The following MRPL22 variants were observed in gnomAD, a reference collection of about 807,000 sequenced individuals.
MRPL22 encodes large ribosomal subunit protein uL22m.
Under a neutral mutation model 32.4 loss-of-function variants are expected in MRPL22, and 27 were observed. The observed-to-expected ratio is 0.83, with a 90% confidence interval of 0.61 to 1.15. The LOEUF (loss-of-function observed/expected upper bound fraction) is 1.15. MRPL22 is among the 50% of genes most tolerant of loss of function. The pLI is 0.00. For missense variants in MRPL22, 239 were observed against 260.2 expected (o/e 0.92, Z 0.56); for synonymous variants, 86 against 87.3 (o/e 0.99, Z 0.08).
At chr5:154,956,982 G>A (rs1191492633) in intron 4 of MRPL22, 153 bp from the exon 5 acceptor site, 6 of 622,138 alleles carry the variant, frequency 9.6e-6, no homozygotes, top group Non-Finnish European at 1.7e-5. Flanking sequence ...AAAGAGAATA[G>A]TGTCTCCTCT....
rs1017407910 is a variant in MRPL22 at position 154,968,891 on chromosome 5, C to T, written c.*1994C>T. On this transcript the variant is annotated 3_prime_UTR_variant, in exon 7 of 7. Transcript: ENST00000523037. Reference sequence around the variant, plus strand: ...CCTTCATTTGGAACTGCTTCCAGTACGTTACAAAAAGTAATAATAGCTAAC... The same window carrying T: ...CCTTCATTTGGAACTGCTTCCAGTATGTTACAAAAAGTAATAATAGCTAAC... The T allele has an allele frequency of 3.3e-5, 5 of 152,178 alleles. No homozygotes were observed. Among genetic ancestry groups the T allele is most frequent in the South Asian group, 2.1e-4 (1 of 4,834 alleles). 9.4% of individuals were successfully genotyped at this position (152,178 alleles called of 1,614,324 possible).
chr5:154,955,995 T>G (rs1764623912), intron 3 of MRPL22: 2 of 192,484 alleles, frequency 1.0e-5, no homozygotes, highest in South Asian at 2.0e-4. Flanking sequence ...ATTTTGCCAT[T>G]TTTCTCCTCA....
chr5:154,955,808 G>T (rs2112219), intron 3 of MRPL22: 5,933 of 152,454 alleles, frequency 0.039, 179 homozygotes, highest in African/African-American at 0.085. Flanking sequence ...TCTAATTATC[G>T]TTTTATTTAT....
chr5:154,946,349 C>T (rs1039521223), intron 2 of MRPL22, among the ~76,000 whole-genome samples: 2 of 152,188 alleles, frequency 1.3e-5, no homozygotes, highest in South Asian at 4.2e-4. Flanking sequence ...ATAGTGTACC[C>T]TACTCGCTAA....
chr5:154,957,914 C>CTTTTTTTT (rs912216773), intron 5 of MRPL22, among the ~76,000 whole-genome samples: 8 of 120,864 alleles, frequency 6.6e-5, no homozygotes, highest in Admixed American at 8.9e-5. Context: ...ATATATTTTT[C>CTTTTTTTT]TTTTTTTTTT....
chr5:154,966,614 C>G, intron 6 of MRPL22, 72 bp from the exon 7 acceptor site: 1 of 1,506,698 alleles, frequency 6.6e-7, no homozygotes, highest in South Asian at 1.2e-5. Flanking sequence ...AAGGAAAGGA[C>G]AGAAATTGCT....
intron 2 of MRPL22, among the ~76,000 whole-genome samples, chr5:154,950,470 A>G (rs988359216): frequency 1.3e-5 from 2 of 152,204 alleles, no homozygotes; most frequent in Admixed American, 6.5e-5. Flanking sequence ...AAGTTGGGCA[A>G]TCTTACAGGT....
At chr5:154,942,957 T>C (rs1018516744) in intron 2 of MRPL22, among the ~76,000 whole-genome samples, 3 of 152,234 alleles carry the variant, frequency 2.0e-5, no homozygotes, top group Admixed American at 2.0e-4. Context: ...GTGTTTGATT[T>C]TGCTAGATAA....
intron 2 of MRPL22, among the ~76,000 whole-genome samples, chr5:154,946,061 T>G (rs185721899): frequency 1.3e-5 from 2 of 152,338 alleles, no homozygotes; most frequent in Admixed American, 6.5e-5. Flanking sequence ...ACATTATTAA[T>G]TCATAGTATG....
At chr5:154,943,178 G>A (rs1452381922) in intron 2 of MRPL22, among the ~76,000 whole-genome samples, 1 of 151,418 alleles carries the variant, frequency 6.6e-6, no homozygotes, top group African/African-American at 2.4e-5. Flanking sequence ...CTCGCTCTGT[G>A]CCTAGGCTGA....
intron 3 of MRPL22, among the ~76,000 whole-genome samples, chr5:154,952,124 G>T (rs1185842268): frequency 6.6e-6 from 1 of 151,954 alleles, no homozygotes; most frequent in Admixed American, 6.6e-5. Flanking sequence ...CTCATGATCC[G>T]CCTGCCTCGG....
intron 2 of MRPL22, among the ~76,000 whole-genome samples, chr5:154,944,862 C>T: frequency 6.6e-6 from 1 of 152,096 alleles, no homozygotes; most frequent in Non-Finnish European, 1.5e-5. Context: ...GCATTCTGTG[C>T]AGATAGAATA....
In MRPL22 at chr5:154,956,368, A is replaced by G. The variant is rs750622599; in HGVS notation, c.196-3A>G. 2.4e-5 allele frequency: 39 copies of G among 1,599,846 alleles called. No homozygotes were observed. The African/African-American group carries it at 5.0e-4, about 20-fold the overall frequency. On this transcript the variant is annotated splice_region_variant and splice_polypyrimidine_tract_variant and intron_variant, in intron 3 of 6. Coordinates refer to ENST00000523037, the MANE Select transcript of MRPL22 (RefSeq NM_014180.4). ...TTCTGTCCTTTTTTTTCCAATTTGT[A>G]AGGAAATCTACCACTGTCGAAGACA...
At chr5:154,946,202 A>G (rs1218267749) in intron 2 of MRPL22, among the ~76,000 whole-genome samples, 1 of 152,162 alleles carries the variant, frequency 6.6e-6, no homozygotes, top group East Asian at 1.9e-4. Context: ...GGTTTGTAGC[A>G]AAGGGGTTCA....
At chr5:154,943,174 C>G (rs1397593032) in intron 2 of MRPL22, among the ~76,000 whole-genome samples, 3 of 151,724 alleles carry the variant, frequency 2.0e-5, no homozygotes, top group Admixed American at 2.0e-4. Context: ...CGGTCTCGCT[C>G]TGTGCCTAGG....
chr5:154,968,682 G>A lies in MRPL22; in HGVS notation c.*1785G>A, dbSNP rs1764805565. ...CACTGTGCTCTCATGTGGTGGGGATGCTCCACGATTGCTCTTGGAGTTGTG... is the reference window on the plus strand; with the variant it reads ...CACTGTGCTCTCATGTGGTGGGGATACTCCACGATTGCTCTTGGAGTTGTG... On this transcript the variant is annotated 3_prime_UTR_variant, in exon 7 of 7. Transcript: ENST00000523037. 1 of 152,222 alleles carries A rather than the reference G, an allele frequency of 6.6e-6. No individual in the cohort carries two copies. The highest frequency in any genetic ancestry group is 2.4e-5 in the African/African-American group (1 of 41,448). 9.4% of individuals were successfully genotyped at this position (152,222 alleles called of 1,614,324 possible).
intron 2 of MRPL22, among the ~76,000 whole-genome samples, chr5:154,945,234 A>G (rs1235575838): frequency 1.3e-5 from 2 of 152,094 alleles, no homozygotes. Context: ...GAATGGTTGG[A>G]TTCTGGCAGT....
chr5:154,959,804 A>G (rs1377355171), intron 5 of MRPL22, among the ~76,000 whole-genome samples, 176 bp from the exon 6 acceptor site: 2 of 152,338 alleles, frequency 1.3e-5, no homozygotes, highest in South Asian at 2.1e-4. Context: ...TTCTTGGTCT[A>G]AGGCAGGAAA....
Position 154,966,842 on chromosome 5 carries a change from A to G in MRPL22, c.566A>G (p.His189Arg). The G allele has an allele frequency of 6.2e-7, 1 of 1,614,160 alleles. No individual in the cohort carries two copies. The change falls in exon 7 of 7, where the codon CAT (histidine) becomes CGT (arginine). Residue 189 changes from histidine to arginine, a missense_variant. Physicochemically the swap from His to Arg is conservative, Grantham distance 29 (BLOSUM62 0). Transcript: ENST00000523037. ...GAGCCACCAAAGACGGCAGTTGCCC[A>G]TGCCAAAGAGTATATTCAGCAGCTT... Reference protein sequence around the residue: ...PPEPPKTAVAHAKEYIQQLRS... With the variant: ...PPEPPKTAVARAKEYIQQLRS...
Sources: gnomAD v4.1 joint callset for allele counts (sites outside exome capture counted in the v4.1 genomes callset) on GRCh38, gnomAD v4.1.1 for gene constraint, MANE v1.5 for transcripts, NCBI Gene and HGNC (gene_info 2026-07-23, HGNC 2026-07-21) for gene names.